The following DOK7 variants were observed in gnomAD, a reference collection of about 807,000 sequenced individuals.
DOK7 encodes protein Dok-7.
DOK7 carries 32 observed loss-of-function variants against 30.7 expected under a neutral mutation model. That is an observed-to-expected ratio of 1.04 (90% CI 0.79 to 1.40). The LOEUF is 1.40. Among genes scored for constraint, DOK7 ranks in the 40% most tolerant of loss-of-function variants. The pLI is 0.00. For synonymous variants in DOK7, 447 were observed against 324.1 expected (o/e 1.38, Z -4.07); for missense variants, 1,007 against 699.2 (o/e 1.44, Z -4.97).
In DOK7 at chr4:3,473,351, A is replaced by G. The variant is rs1726874121; in HGVS notation, c.101-55A>G. ...CTGTCACGGCCTCCCCGGGGACGCC[A>G]AGGGTGCGGGCAGGCGGTGTTGGCT... On this transcript the variant is annotated intron_variant, in intron 2 of 6. Transcript: ENST00000340083. The G allele has an allele frequency of 2.5e-6, 4 of 1,581,456 alleles. No homozygotes were observed. In the East Asian group the frequency reaches 9.1e-5, roughly 36 times the overall value.
intron 5 of DOK7, among the ~76,000 whole-genome samples, chr4:3,489,045 C>T (rs982264056): frequency 2.0e-5 from 3 of 152,206 alleles, no homozygotes; most frequent in Non-Finnish European, 2.9e-5. Flanking sequence ...GGGAGGTTTC[C>T]TGCCACTCAG....
intron 2 of DOK7, among the ~76,000 whole-genome samples, chr4:3,465,095 A>G (rs980559859): frequency 3.9e-5 from 6 of 152,142 alleles, no homozygotes; most frequent in African/African-American, 1.4e-4. Context: ...CCACTGACTC[A>G]CTGGCCTGGG....
At chr4:3,487,177 G>T (rs779722287) in intron 5 of DOK7, among the ~76,000 whole-genome samples, 1 of 152,128 alleles carries the variant, frequency 6.6e-6, no homozygotes, top group Non-Finnish European at 1.5e-5. Flanking sequence ...CTGCAGCTGT[G>T]CCCCCAAGCT....
intron 4 of DOK7, among the ~76,000 whole-genome samples, chr4:3,480,587 A>G (rs1236162605): frequency 2.6e-5 from 4 of 152,214 alleles, no homozygotes; most frequent in Admixed American, 1.3e-4. Flanking sequence ...CAGCCAAGGC[A>G]ACAGAGCCAG....
At chr4:3,492,272 G>A (rs761685328) in intron 6 of DOK7, among the ~76,000 whole-genome samples, 1 of 152,076 alleles carries the variant, frequency 6.6e-6, no homozygotes, top group African/African-American at 2.4e-5. Flanking sequence ...GGCGAGTCGA[G>A]GTGTGTGGGC....
chr4:3,496,445 GAC>G (rs1035305659), downstream of DOK7, among the ~76,000 whole-genome samples: 1 of 152,254 alleles, frequency 6.6e-6, no homozygotes, highest in Admixed American at 6.5e-5. Context: ...TCGGAGCCCA[GAC>G]ACTACCTTGC....
At chr4:3,479,355 C>G (rs1278844696) in intron 4 of DOK7, among the ~76,000 whole-genome samples, 1 of 152,234 alleles carries the variant, frequency 6.6e-6, no homozygotes, top group Admixed American at 6.5e-5. Flanking sequence ...TTCACAGGCC[C>G]TGGTATGTGA....
chr4:3,496,072 A>G (rs2858031), downstream of DOK7, among the ~76,000 whole-genome samples: 85,312 of 151,936 alleles, frequency 0.56, 24,915 homozygotes, highest in East Asian at 0.92. Flanking sequence ...GGCTGCCGGA[A>G]CCCATGTGGG....
intron 6 of DOK7, among the ~76,000 whole-genome samples, chr4:3,491,542 CCCACCTA>C (rs1196118392): frequency 5.5e-5 from 1 of 18,282 alleles, no homozygotes; most frequent in Non-Finnish European, 1.3e-4. Flanking sequence ...TCTTCCTTCT[CCCACCTA>C]TTCATTCATT....
chr4:3,497,658 C>G (rs923811802), downstream of DOK7, among the ~76,000 whole-genome samples: 9 of 151,838 alleles, frequency 5.9e-5, no homozygotes, highest in African/African-American at 2.2e-4. Flanking sequence ...GTGGCACCTA[C>G]AGGGGGGCGG....
chr4:3,492,139 C>T (rs1373260404), intron 6 of DOK7, among the ~76,000 whole-genome samples: 1 of 152,166 alleles, frequency 6.6e-6, no homozygotes, highest in Admixed American at 6.5e-5. Flanking sequence ...TTCCCAAGAG[C>T]ACGGGAGGGG....
At position 3,489,670 on chromosome 4, in the gene DOK7, G is replaced by A; in HGVS notation, c.653-7G>A. On this transcript the variant is annotated splice_polypyrimidine_tract_variant and splice_region_variant and intron_variant, in intron 5 of 6. Coordinates refer to ENST00000340083, the MANE Select transcript of DOK7 (RefSeq NM_173660.5). ...ACCTCCTCCACCGAGTCTTCTCTCT[G>A]CCACAGACCCAAGTCCCCCGGGACC... 1 of 1,565,356 alleles carries A rather than the reference G, an allele frequency of 6.4e-7. No individual in the cohort carries two copies. The highest frequency in any genetic ancestry group is 2.4e-5 in the East Asian group (1 of 41,952).
chr4:3,490,396 G>GTCCTTCATTTCTCTCCTGCTCATTCAT (rs147752087), intron 6 of DOK7, among the ~76,000 whole-genome samples: 487 of 44,398 alleles, frequency 0.011, 17 homozygotes, highest in African/African-American at 0.03. Flanking sequence ...TGCTCATTCA[G>GTCCTTCATTTCTCTCCTGCTCATTCAT]TCCTTCTTTC....
chr4:3,478,040 C>T (rs1727208528), intron 4 of DOK7, among the ~76,000 whole-genome samples: 1 of 152,146 alleles, frequency 6.6e-6, no homozygotes, highest in South Asian at 2.1e-4. Context: ...CTGTAGTTGT[C>T]CTGACACAGG....
chr4:3,493,049 T>C lies in DOK7; in HGVS notation c.1063T>C (p.Tyr355His), dbSNP rs749308910. The part of the protein sequence containing the change: ...HSSYSSSLSS[Y>H]AGSSLDVWRA... ...CTCTTACTCCAGCAGCCTCTCGTCC[T>C]ACGCGGGCAGCAGCCTGGACGTGTG... The change falls in exon 7 of 7, where the codon TAC (tyrosine) becomes CAC (histidine). Residue 355 changes from tyrosine to histidine, a missense_variant. Tyr to His is a moderately conservative substitution (Grantham distance 83). Transcript: ENST00000340083. The C allele has an allele frequency of 3.8e-6, 6 of 1,573,794 alleles. No individual in the cohort carries two copies. Among genetic ancestry groups the C allele is most frequent in the Non-Finnish European group, 5.2e-6 (6 of 1,164,598 alleles).
intron 5 of DOK7, among the ~76,000 whole-genome samples, chr4:3,489,197 G>A (rs1728006937): frequency 2.0e-5 from 3 of 152,142 alleles, no homozygotes; most frequent in Admixed American, 6.5e-5. Context: ...GTCTCCATCC[G>A]AGACCCCAGG....
At chr4:3,494,483 C>T (rs1261097643), downstream of DOK7, 9 of 985,380 alleles carry the variant, frequency 9.1e-6, no homozygotes, top group East Asian at 3.4e-4. Flanking sequence ...TCTTTCCTTA[C>T]CACCTTGTCC....
intron 6 of DOK7, chr4:3,500,166 G>C: frequency 2.1e-6 from 3 of 1,460,408 alleles, no homozygotes; most frequent in South Asian, 1.3e-5. Flanking sequence ...GGGCTAGGCA[G>C]GGTGGGCAGC....
intron 2 of DOK7, 104 bp downstream of exon 2, chr4:3,463,655 C>G: frequency 1.4e-6 from 2 of 1,417,800 alleles, no homozygotes; most frequent in Non-Finnish European, 1.9e-6. Flanking sequence ...CCGCTGTCAC[C>G]CCGCCGGGAA....
Sources: gnomAD v4.1 joint callset for allele counts (sites outside exome capture counted in the v4.1 genomes callset) on GRCh38, gnomAD v4.1.1 for gene constraint, MANE v1.5 for transcripts, NCBI Gene and HGNC (gene_info 2026-07-23, HGNC 2026-07-21) for gene names.